Variants in FNDC3A observed in about 807,000 individuals in gnomAD.
The protein encoded by FNDC3A is fibronectin type-III domain-containing protein 3A.
A neutral mutation model predicts 148.9 loss-of-function variants in FNDC3A; 32 were observed. The observed-to-expected ratio is 0.21, with a 90% confidence interval of 0.16 to 0.29. The LOEUF (loss-of-function observed/expected upper bound fraction) is 0.29, where lower values mean the gene tolerates loss of function less well. Ranked by LOEUF, FNDC3A falls within the 10% of genes least tolerant of loss-of-function variation. The pLI is 1.00. For missense variants in FNDC3A, 1,191 were observed against 1,452.8 expected (o/e 0.82, Z 2.93); for synonymous variants, 472 against 473.6 (o/e 1.00, Z 0.04).
chr13:49,033,802 A>G (rs1312137846), intron 2 of FNDC3A, among the ~76,000 whole-genome samples: 1 of 151,958 alleles, frequency 6.6e-6, no homozygotes, highest in African/African-American at 2.4e-5. Context: ...ACTGTTTTTT[A>G]ATGTAGGTGC....
At chr13:49,079,956 AG>A (rs948045833) in intron 3 of FNDC3A, among the ~76,000 whole-genome samples, 2 of 152,244 alleles carry the variant, frequency 1.3e-5, no homozygotes, top group Admixed American at 6.5e-5. Flanking sequence ...TTAGGACTGC[AG>A]GTGCATGCCA....
In FNDC3A at chr13:49,093,405, T is replaced by C. The variant is rs181280842; in HGVS notation, c.175+18041T>C. Among the ~76,000 whole-genome samples the C allele has an allele frequency of 2.6e-5, 4 of 152,334 alleles. 1 individual carries two copies. In the East Asian group the frequency reaches 7.7e-4, roughly 29 times the overall value. The stretch of plus-strand genomic sequence containing the variant: ...GTGACTTTGTTATTTAATTAGCATA[T>C]ATATTAGCTAATGGTTATCGAACGA... On this transcript the variant is annotated intron_variant, in intron 3 of 25. Transcript: ENST00000492622.
Position 48,988,733 on chromosome 13 carries a change from T to G in FNDC3A, c.-40+12556T>G, listed in dbSNP as rs532379476. Among the ~76,000 whole-genome samples the G allele has an allele frequency of 1.1e-4, 16 of 151,332 alleles. No homozygotes were observed. The East Asian group carries it at 3.1e-3, about 29-fold the overall frequency. ...AGGCATGGTGGCACATGCCTGTAGTTCCAGCTACTTTGGAGGCTGAGGTGG... is the reference window on the plus strand; with the variant it reads ...AGGCATGGTGGCACATGCCTGTAGTGCCAGCTACTTTGGAGGCTGAGGTGG... On this transcript the variant is annotated intron_variant, in intron 1 of 25. Transcript: ENST00000492622.
chr13:49,055,433 A>G (rs1393359290), intron 2 of FNDC3A, among the ~76,000 whole-genome samples: 1 of 152,044 alleles, frequency 6.6e-6, no homozygotes, highest in East Asian at 1.9e-4. Context: ...AAGGGAGGGT[A>G]ATACATGCCT....
chr13:49,066,482 G>T (rs1267153221), intron 2 of FNDC3A, among the ~76,000 whole-genome samples: 1 of 152,124 alleles, frequency 6.6e-6, no homozygotes, highest in Non-Finnish European at 1.5e-5. Flanking sequence ...TACTGTGTAT[G>T]TCACACTGTG....
Position 49,075,358 on chromosome 13 carries a change from AT to A in FNDC3A, c.171del (p.Thr58GlnfsTer8). 6.3e-7 allele frequency: 1 copy of A among 1,578,066 alleles called. No homozygotes were observed. The highest frequency in any genetic ancestry group is 8.7e-7 in the Non-Finnish European group (1 of 1,148,916). ...IRREDGQFQC[I>X]TGPAQVPMMS... Reference sequence around the variant, plus strand: ...AAGAGAAGATGGACAGTTTCAGTGCATTACAGGTAAGAATGGTAATTGAGAA... The same window carrying A: ...AAGAGAAGATGGACAGTTTCAGTGCATACAGGTAAGAATGGTAATTGAGAA... On this transcript the variant is annotated frameshift_variant, in exon 3 of 26. Transcript: ENST00000492622. LOFTEE classifies it high-confidence loss of function.
intron 1 of FNDC3A, among the ~76,000 whole-genome samples, chr13:48,989,503 A>G (rs1317462677): frequency 6.6e-6 from 1 of 152,272 alleles, no homozygotes; most frequent in Non-Finnish European, 1.5e-5. Flanking sequence ...TGTCAAAGAC[A>G]TACTACATTA....
chr13:49,053,538 T>TAC (rs1291424085), intron 2 of FNDC3A, among the ~76,000 whole-genome samples: 1 of 152,156 alleles, frequency 6.6e-6, no homozygotes, highest in Non-Finnish European at 1.5e-5. Context: ...ATGTGAGGCA[T>TAC]ACAGTGGTTT....
At chr13:49,030,068 CCAGA>C in intron 2 of FNDC3A, among the ~76,000 whole-genome samples, 1 of 152,172 alleles carries the variant, frequency 6.6e-6, no homozygotes, top group East Asian at 1.9e-4. Flanking sequence ...TAAAACTAAA[CCAGA>C]CAGAGACATT....
At chr13:49,102,618 C>A (rs1879933480) in intron 3 of FNDC3A, among the ~76,000 whole-genome samples, 1 of 152,122 alleles carries the variant, frequency 6.6e-6, no homozygotes, top group Non-Finnish European at 1.5e-5. Context: ...ATTCAAGGAC[C>A]TTTTGGTTAT....
intron 3 of FNDC3A, among the ~76,000 whole-genome samples, chr13:49,076,096 CTCCAGTTGAGAACCATCT>C (rs1566234447): frequency 1.3e-5 from 2 of 151,960 alleles, no homozygotes. Context: ...ACAAAATTGG[CTCCAGTTGAGAACCATCT>C]TCCTATGGGA....
Position 49,175,556 on chromosome 13 carries a change from G to A in FNDC3A, c.1530+15G>A. ...AAGAAACTTCAGTAAGTGCAAATAT[G>A]GATTTTAAATAGTGTATTTAAAACA... On this transcript the variant is annotated intron_variant, in intron 13 of 25. Coordinates refer to ENST00000492622, the MANE Select transcript of FNDC3A (RefSeq NM_001079673.2). The A allele has an allele frequency of 1.9e-6, 3 of 1,565,102 alleles. No individual in the cohort carries two copies. Among genetic ancestry groups the A allele is most frequent in the South Asian group, 2.3e-5 (2 of 86,672 alleles).
intron 19 of FNDC3A, among the ~76,000 whole-genome samples, chr13:49,195,491 T>G (rs1886102327): frequency 6.6e-6 from 1 of 152,194 alleles, no homozygotes; most frequent in Non-Finnish European, 1.5e-5. Context: ...TTTTAAAATT[T>G]TATTTTTAAA....
At chr13:49,197,083 A>G (rs1002495314) in intron 20 of FNDC3A, 93 bp downstream of exon 20, 16 of 696,542 alleles carry the variant, frequency 2.3e-5, no homozygotes, top group South Asian at 4.7e-5. Flanking sequence ...TTTACCGCCT[A>G]TATTATACAG....
intron 2 of FNDC3A, among the ~76,000 whole-genome samples, chr13:49,066,698 T>C (rs1432832562): frequency 3.9e-5 from 6 of 152,118 alleles, no homozygotes; most frequent in Non-Finnish European, 8.8e-5. Flanking sequence ...CAACATTCTT[T>C]TTTTTTTAAT....
At chr13:49,190,051 T>C (rs1018098392) in intron 17 of FNDC3A, among the ~76,000 whole-genome samples, 5 of 152,052 alleles carry the variant, frequency 3.3e-5, no homozygotes, top group African/African-American at 1.2e-4. Context: ...CATGCCCGGC[T>C]ACTTTTTTGT....
intron 2 of FNDC3A, among the ~76,000 whole-genome samples, chr13:49,073,869 TATAC>T (rs113218111): frequency 0.011 from 1,636 of 148,560 alleles, 33 homozygotes; most frequent in African/African-American, 0.038. Flanking sequence ...CACATACATA[TATAC>T]ATATTCCTTA....
chr13:49,194,128 G>A (rs1286485751), intron 19 of FNDC3A, among the ~76,000 whole-genome samples: 1 of 151,748 alleles, frequency 6.6e-6, no homozygotes, highest in African/African-American at 2.4e-5. Context: ...GGGCTTGGTG[G>A]TACCCACACC....
intron 25 of FNDC3A, 119 bp from the exon 26 acceptor site, chr13:49,206,962 A>G (rs1593757326): frequency 1.5e-6 from 1 of 678,028 alleles, no homozygotes; most frequent in East Asian, 2.7e-5. Context: ...CATTTAAAAG[A>G]TAAAATCAAT....
Sources: allele counts gnomAD v4.1 joint callset (sites outside exome capture counted in the v4.1 genomes callset), GRCh38; gene constraint gnomAD v4.1.1; transcripts MANE v1.5; gene names NCBI Gene and HGNC (gene_info 2026-07-23, HGNC 2026-07-21).